The following UNC93A variants were observed in gnomAD, a reference collection of about 807,000 sequenced individuals.
UNC93A encodes the protein unc-93 homolog A.
A neutral mutation model predicts 47.5 loss-of-function variants in UNC93A; 43 were observed. The observed-to-expected ratio is 0.91, with a 90% CI of 0.71 to 1.17. The LOEUF (loss-of-function observed/expected upper bound fraction) is 1.17. Among genes scored for constraint, UNC93A ranks in the 50% most tolerant of loss-of-function variants. The pLI is 0.00. For missense variants in UNC93A, 605 were observed against 577.6 expected (o/e 1.05, Z -0.49); for synonymous variants, 280 against 258.0 (o/e 1.09, Z -0.82).
intron 1 of UNC93A, among the ~76,000 whole-genome samples, chr6:167,275,938 G>A (rs147545266): frequency 5.7e-4 from 87 of 152,078 alleles, no homozygotes; most frequent in Non-Finnish European, 1.0e-3. Context: ...CCTTCCTCCC[G>A]CCTAGCTGTG....
chr6:167,289,861 TGAA>T (rs1316265083), upstream of UNC93A, among the ~76,000 whole-genome samples: 2 of 152,162 alleles, frequency 1.3e-5, no homozygotes, highest in Non-Finnish European at 2.9e-5. Context: ...ACGGTTAGTA[TGAA>T]GAAGTCCACA....
chr6:167,304,556 G>GTTTTTTTTTTTTTTTTT (rs67933171), intron 5 of UNC93A, among the ~76,000 whole-genome samples: 1 of 150,068 alleles, frequency 6.7e-6, no homozygotes. Flanking sequence ...TATCTCTCTA[G>GTTTTTTTTTTTTTTTTT]TTTTTTTTTT....
chr6:167,273,861 G>A (rs1783493657), intron 1 of UNC93A, among the ~76,000 whole-genome samples: 1 of 151,958 alleles, frequency 6.6e-6, no homozygotes, highest in Non-Finnish European at 1.5e-5. Flanking sequence ...GTTAGGATAA[G>A]GGGTTGTGGA....
chr6:167,289,402 T>TA (rs112633552), upstream of UNC93A, among the ~76,000 whole-genome samples: 597 of 152,112 alleles, frequency 3.9e-3, 1 homozygote, highest in African/African-American at 7.3e-3. Context: ...ACTGTTCATT[T>TA]AAAAAAAATC....
rs917401836 is a variant in UNC93A, at chr6:167,296,526, C to T, written c.499+265C>T. 2.6e-5 allele frequency among the ~76,000 whole-genome samples: 4 copies of T among 152,206 alleles called. 1 individual carries two copies. Among genetic ancestry groups the T allele is most frequent in the African/African-American group, 7.2e-5 (3 of 41,444 alleles). On this transcript the variant is annotated intron_variant, in intron 3 of 7. Transcript: ENST00000230256. The stretch of plus-strand genomic sequence containing the variant: ...GGGCAGGGGAGCCCTTGGGAGAGGG[C>T]GCCATGGGAAACTGAGGGCCACGCC...
rs202035710 is a variant in UNC93A, at chr6:167,291,589, G to T, written c.87+13G>T. On this transcript the variant is annotated intron_variant, in intron 1 of 7. Coordinates refer to ENST00000230256, the MANE Select transcript of UNC93A (RefSeq NM_018974.4). ...GCAGAGCCTGCAGGTATGTGTGTCC[G>T]GTCATCAAATTACCTGAACTTCTTG... is the stretch of plus-strand genomic sequence containing the variant. 1.3e-6 allele frequency: 2 copies of T among 1,597,854 alleles called. No homozygotes were observed. The highest frequency in any genetic ancestry group is 3.5e-5 in the Admixed American group (2 of 56,570).
intron 7 of UNC93A, among the ~76,000 whole-genome samples, chr6:167,313,038 G>A (rs4709166): frequency 0.35 from 53,287 of 151,954 alleles, 9,540 homozygotes; most frequent in East Asian, 0.53. Context: ...GGTCCTAGGC[G>A]TCTCCCTCTG....
upstream of UNC93A, among the ~76,000 whole-genome samples, chr6:167,286,769 A>G (rs1783741392): frequency 6.6e-6 from 1 of 152,024 alleles, no homozygotes; most frequent in Non-Finnish European, 1.5e-5. Flanking sequence ...CCTGAGCTCA[A>G]GAGTTCGTGA....
intron 2 of UNC93A, among the ~76,000 whole-genome samples, chr6:167,295,686 C>CG (rs1234700638): frequency 8.0e-6 from 1 of 125,602 alleles, no homozygotes; most frequent in African/African-American, 3.4e-5. Context: ...TCGTGCTCCT[C>CG]GCCTGCCTCG....
At chr6:167,286,223 A>C (rs1436301055) in intron 1 of UNC93A, among the ~76,000 whole-genome samples, 1 of 152,150 alleles carries the variant, frequency 6.6e-6, no homozygotes, top group African/African-American at 2.4e-5. Context: ...GTACCTTTCC[A>C]GTCTGTCTGT....
chr6:167,294,574 G>A lies in UNC93A; in HGVS notation c.145G>A (p.Gly49Ser). The A allele has an allele frequency of 6.2e-7, 1 of 1,614,070 alleles. No homozygotes were observed. The highest frequency in any genetic ancestry group is 8.5e-7 in the Non-Finnish European group (1 of 1,179,990). The change falls in exon 2 of 8, where the codon GGC (glycine) becomes AGC (serine). Residue 49 changes from glycine (G) to serine (S), a missense_variant. By Grantham distance (56) the Gly-to-Ser change is moderately conservative. Transcript: ENST00000230256. ...CACAGCGCTCAGCACCCTCTATGGAGGCATGCTCCTGTCCTCCATGTTCCT... is the reference window on the plus strand; with the variant it reads ...CACAGCGCTCAGCACCCTCTATGGAAGCATGCTCCTGTCCTCCATGTTCCT... The part of the protein sequence containing the change: ...GVTALSTLYG[G>S]MLLSSMFLPP...
Position 167,306,011 on chromosome 6 carries a change from G to GTC in UNC93A, c.940_941dup (p.Gln315ArgfsTer15). ...GCTGTGCTCCGTGTTGTATGGAAAG[G>GTC]TCTCGCAGTACACGGGCAGGGCTGT... On this transcript the variant is annotated frameshift_variant, in exon 6 of 8. Transcript: ENST00000230256. LOFTEE classifies it high-confidence loss of function. The GTC allele has an allele frequency of 6.2e-7, 1 of 1,614,208 alleles. No individual in the cohort carries two copies. The highest frequency in any genetic ancestry group is 8.5e-7 in the Non-Finnish European group (1 of 1,180,044).
chr6:167,285,514 G>T (rs1475118820), intron 1 of UNC93A, among the ~76,000 whole-genome samples: 1 of 151,796 alleles, frequency 6.6e-6, no homozygotes, highest in African/African-American at 2.4e-5. Context: ...CTCGATGGTG[G>T]CCTGACTCGC....
intron 1 of UNC93A, among the ~76,000 whole-genome samples, chr6:167,273,182 T>A (rs1293893771): frequency 1.3e-5 from 2 of 152,140 alleles, no homozygotes; most frequent in Admixed American, 6.5e-5. Context: ...GGGAAGCAGG[T>A]CCTTTTACTC....
chr6:167,290,239 A>G (rs1369472824), upstream of UNC93A, among the ~76,000 whole-genome samples: 1 of 152,218 alleles, frequency 6.6e-6, no homozygotes, highest in South Asian at 2.1e-4. Context: ...TGTAAGCATG[A>G]TAGTCCATGT....
intron 4 of UNC93A, 27 bp downstream of exon 4, chr6:167,298,097 G>C: frequency 6.2e-7 from 1 of 1,605,830 alleles, no homozygotes; most frequent in Non-Finnish European, 8.5e-7. Context: ...CCCAGGGCAG[G>C]GTCCCTAGCA....
chr6:167,276,063 T>C (rs1474458581), intron 1 of UNC93A, among the ~76,000 whole-genome samples: 8 of 129,108 alleles, frequency 6.2e-5, no homozygotes, highest in East Asian at 2.3e-4. Context: ...TCTTTTCTTT[T>C]CTTTTTTTTT....
At chr6:167,300,678 C>T (rs1012055557) in intron 4 of UNC93A, among the ~76,000 whole-genome samples, 3 of 152,098 alleles carry the variant, frequency 2.0e-5, no homozygotes, top group Admixed American at 6.5e-5. Flanking sequence ...CCAGCAGGCC[C>T]CAAGGTTCCC....
intron 7 of UNC93A, among the ~76,000 whole-genome samples, chr6:167,312,134 T>C (rs1453848838): frequency 2.6e-5 from 4 of 152,128 alleles, no homozygotes; most frequent in African/African-American, 9.7e-5. Context: ...GGCTGTTCCT[T>C]AATTTTGGTT....
Sources: gnomAD v4.1 joint callset for allele counts (sites outside exome capture counted in the v4.1 genomes callset) on GRCh38, gnomAD v4.1.1 for gene constraint, MANE v1.5 for transcripts, NCBI Gene and HGNC (gene_info 2026-07-23, HGNC 2026-07-21) for gene names.